The following KLHDC10 variants were observed in gnomAD, a reference collection of about 807,000 sequenced individuals.
KLHDC10 encodes kelch domain-containing protein 10.
Under a neutral mutation model 56.1 loss-of-function variants are expected in KLHDC10, and 24 were observed. The ratio of observed to expected loss-of-function variants is 0.43; its 90% CI spans 0.31 to 0.60. KLHDC10 has a LOEUF of 0.60. KLHDC10 is among the 20% of genes least tolerant of loss of function. The probability of loss-of-function intolerance (pLI) is 0.11; values close to 1 mark genes in which losing one functional copy is unlikely to be tolerated. For synonymous variants in KLHDC10, 188 were observed against 207.1 expected (o/e 0.91, Z 0.79); for missense variants, 349 against 567.0 (o/e 0.62, Z 3.91).
chr7:130,072,588 G>C lies in KLHDC10; in HGVS notation c.166+1779G>C, dbSNP rs535522529. On this transcript the variant is annotated intron_variant, in intron 1 of 9. Coordinates refer to ENST00000335420, the MANE Select transcript of KLHDC10 (RefSeq NM_014997.4). Reference sequence around the variant, plus strand: ...GATACCTCAATGTATTATGTAGTTTGAAATTCTTTCATACCAATTCTTTAT... The same window carrying C: ...GATACCTCAATGTATTATGTAGTTTCAAATTCTTTCATACCAATTCTTTAT... Among the ~76,000 whole-genome samples, 6 of 152,138 alleles carry C rather than the reference G, an allele frequency of 3.9e-5. No individual in the cohort carries two copies. In the South Asian group the frequency reaches 1.2e-3, roughly 32 times the overall value.
intron 1 of KLHDC10, among the ~76,000 whole-genome samples, chr7:130,085,880 T>C (rs72607760): frequency 0.12 from 18,091 of 147,916 alleles, 1,298 homozygotes; most frequent in East Asian, 0.32. Flanking sequence ...TAAAATAAAA[T>C]GGTGGACTTT....
At chr7:130,085,334 GA>G (rs538218868) in intron 1 of KLHDC10, among the ~76,000 whole-genome samples, 882 of 75,574 alleles carry the variant, frequency 0.012, 4 homozygotes, top group Middle Eastern at 0.035. Flanking sequence ...CTCCATCTCA[GA>G]AAAAAAAAAA....
chr7:130,125,836 A>G, intron 6 of KLHDC10, 29 bp from the exon 7 acceptor site: 1 of 1,504,568 alleles, frequency 6.6e-7, no homozygotes, highest in Non-Finnish European at 9.1e-7. Flanking sequence ...TTATTTATGT[A>G]TGTGTATATG....
chr7:130,085,453 C>T (rs1430071578), intron 1 of KLHDC10, among the ~76,000 whole-genome samples: 1 of 151,796 alleles, frequency 6.6e-6, no homozygotes, highest in African/African-American at 2.4e-5. Flanking sequence ...ACCAAGACTG[C>T]TTGGTTTCAT....
intron 1 of KLHDC10, among the ~76,000 whole-genome samples, chr7:130,085,833 CAAAAA>C (rs55805509): frequency 1.2e-5 from 1 of 86,306 alleles, no homozygotes; most frequent in Admixed American, 1.3e-4. Context: ...GACTCTTTCT[CAAAAA>C]AAAAAAAAAA....
intron 8 of KLHDC10, among the ~76,000 whole-genome samples, chr7:130,128,889 A>AAAAAAAAAAATATATAT: frequency 1.3e-4 from 9 of 66,958 alleles, no homozygotes; most frequent in Non-Finnish European, 1.9e-4. Flanking sequence ...AAAAAAAAAA[A>AAAAAAAAAAATATATAT]ATATATATAT....
At chr7:130,113,307 T>A (rs758610951) in intron 2 of KLHDC10, among the ~76,000 whole-genome samples, 116 of 151,882 alleles carry the variant, frequency 7.6e-4, no homozygotes, top group South Asian at 2.7e-3. Context: ...ACATGGTACT[T>A]AGTACATAGC....
Position 130,129,569 on chromosome 7 carries a change from T to C in KLHDC10, c.1112T>C (p.Val371Ala), listed in dbSNP as rs1796368403. ...CCAGTTTATTTTCACTGTGCAGCTG[T>C]TACACCAGTAAGTTTTTATTTTCAT... ...PEPVYFHCAAVTPAGCMYIHG... is the reference protein window; with the variant it reads ...PEPVYFHCAAATPAGCMYIHG... The change falls in exon 9 of 10, where the codon GTT becomes GCT. Residue 371 changes from valine (V) to alanine (A), a missense_variant. Around this residue, in one of 2 missense-constraint regions of KLHDC10, gnomAD observed 245 missense variants for 470.1 expected, o/e 0.52. Coordinates refer to ENST00000335420, the MANE Select transcript of KLHDC10 (RefSeq NM_014997.4). The C allele has an allele frequency of 2.5e-6, 4 of 1,611,966 alleles. No homozygotes were observed. Among genetic ancestry groups the C allele is most frequent in the Non-Finnish European group, 3.4e-6 (4 of 1,179,372 alleles).
intron 1 of KLHDC10, among the ~76,000 whole-genome samples, chr7:130,089,613 A>G (rs1795742239): frequency 6.6e-6 from 1 of 152,214 alleles, no homozygotes; most frequent in African/African-American, 2.4e-5. Flanking sequence ...TGAAATTTTA[A>G]AAAGGTTCCT....
intron 1 of KLHDC10, among the ~76,000 whole-genome samples, chr7:130,078,459 A>G (rs996390415): frequency 2.0e-5 from 3 of 152,184 alleles, no homozygotes; most frequent in Non-Finnish European, 2.9e-5. Context: ...TCCTGGGCTC[A>G]AGTGATCATT....
At chr7:130,082,529 A>T (rs1795622528) in intron 1 of KLHDC10, among the ~76,000 whole-genome samples, 1 of 152,100 alleles carries the variant, frequency 6.6e-6, no homozygotes, top group South Asian at 2.1e-4. Flanking sequence ...TTTACTCACA[A>T]GGCTTGCTTA....
At chr7:130,108,053 AAAAACAAAAAAC>A (rs1563102755) in intron 2 of KLHDC10, among the ~76,000 whole-genome samples, 1 of 150,986 alleles carries the variant, frequency 6.6e-6, no homozygotes. Context: ...CCGGGAAAAA[AAAAACAAAAAAC>A]AAAACAAAAA....
At position 130,070,789 on chromosome 7, in the gene KLHDC10, C is replaced by G. The variant is rs991104349; in HGVS notation, c.146C>G (p.Ser49Cys). Residue 49 changes from serine to cysteine, a missense_variant, in exon 1 of 10, where the codon TCC becomes TGC. Transcript: ENST00000335420. The stretch of plus-strand genomic sequence containing the variant: ...CAGCTCAACCGCTTCGTGCAACTCT[C>G]CGGGCGGCCGCACCTGCCAGGTGAG... ...TGQLNRFVQL[S>C]GRPHLPGKKK... is the part of the protein sequence containing the mutation. 1 of 1,306,980 alleles carries G rather than the reference C, an allele frequency of 7.7e-7. No homozygotes were observed. Among genetic ancestry groups the G allele is most frequent in the Admixed American group, 3.1e-5 (1 of 32,596 alleles). The allele number at this position is 1,306,980 out of a possible 1,614,324, so 81.0% of individuals were successfully genotyped here.
intron 1 of KLHDC10, among the ~76,000 whole-genome samples, chr7:130,083,309 C>T (rs1284102214): frequency 1.3e-5 from 2 of 152,116 alleles, no homozygotes; most frequent in Non-Finnish European, 2.9e-5. Flanking sequence ...GGTCACAATT[C>T]GATAAGGAAT....
rs555542028 is a variant in KLHDC10, at chr7:130,131,448, C to G, written c.*702C>G. 6.6e-6 allele frequency: 1 copy of G among 152,296 alleles called. No homozygotes were observed. Among genetic ancestry groups the G allele is most frequent in the East Asian group, 1.9e-4 (1 of 5,190 alleles). The allele number at this position is 152,296 out of a possible 1,614,324, so 9.4% of individuals were successfully genotyped here. A position where few individuals can be genotyped will look rare whatever the true frequency, so the allele number is the denominator to read the frequency against. ...TAGAGTTGGTTTGTCAAAAGACTTA[C>G]GTGTGTGTCGTGGTCGTGCTCTTTG... On this transcript the variant is annotated 3_prime_UTR_variant, in exon 10 of 10. Transcript: ENST00000335420.
intron 1 of KLHDC10, among the ~76,000 whole-genome samples, chr7:130,074,826 G>A (rs1173520698): frequency 1.3e-5 from 2 of 152,054 alleles, no homozygotes; most frequent in African/African-American, 2.4e-5. Context: ...GGCCAGGCTG[G>A]TCTCGAACTC....
intron 8 of KLHDC10, among the ~76,000 whole-genome samples, chr7:130,128,887 A>ATATATATATATATAT (rs1434178196): frequency 2.5e-4 from 17 of 68,232 alleles, no homozygotes; most frequent in African/African-American, 9.5e-4. Context: ...AAAAAAAAAA[A>ATATATATATATATAT]AAATATATAT....
chr7:130,074,064 G>A (rs1461731314), intron 1 of KLHDC10, among the ~76,000 whole-genome samples: 1 of 152,016 alleles, frequency 6.6e-6, no homozygotes, highest in Non-Finnish European at 1.5e-5. Context: ...TCTTTAACAT[G>A]GCCTCAAAGG....
chr7:130,079,854 C>T (rs926775668), intron 1 of KLHDC10, among the ~76,000 whole-genome samples: 1 of 145,712 alleles, frequency 6.9e-6, no homozygotes, highest in Admixed American at 6.8e-5. Context: ...TCCTCCTTCC[C>T]TCCCTTCCTC....
Sources: gnomAD v4.1 joint callset for allele counts (sites outside exome capture counted in the v4.1 genomes callset) on GRCh38, gnomAD v4.1.1 for gene constraint, gnomAD v4.1.1 regional missense constraint, MANE v1.5 for transcripts, NCBI Gene and HGNC (gene_info 2026-07-23, HGNC 2026-07-21) for gene names.